The following DLEC1 variants were observed in gnomAD, a reference collection of about 807,000 sequenced individuals.
DLEC1 encodes deleted in lung and esophageal cancer protein 1.
A neutral mutation model predicts 198.1 loss-of-function variants in DLEC1; 146 were observed. That is an observed-to-expected ratio of 0.74 (90% CI 0.64 to 0.85). DLEC1 has a LOEUF of 0.85. DLEC1 is among the 40% of genes least tolerant of loss of function. DLEC1 has a pLI of 0.00. For missense variants in DLEC1, 2,233 were observed against 2,220.0 expected (o/e 1.01, Z -0.12); for synonymous variants, 897 against 866.8 (o/e 1.03, Z -0.61).
intron 11 of DLEC1, 133 bp downstream of exon 11, chr3:38,093,013 A>G: frequency 1.2e-6 from 1 of 841,418 alleles, no homozygotes; most frequent in Non-Finnish European, 1.9e-6. Context: ...AGAATGCTGC[A>G]GCCTCCAGGT....
chr3:38,102,118 C>T (rs1341373843), intron 19 of DLEC1, among the ~76,000 whole-genome samples: 1 of 152,138 alleles, frequency 6.6e-6, no homozygotes, highest in Non-Finnish European at 1.5e-5. Flanking sequence ...CCCTTCTCTA[C>T]CTCCATCCCA....
intron 11 of DLEC1, among the ~76,000 whole-genome samples, chr3:38,093,398 G>A (rs1429628661): frequency 6.6e-6 from 1 of 151,328 alleles, no homozygotes; most frequent in Non-Finnish European, 1.5e-5. Flanking sequence ...CTATATGCTA[G>A]GTTCTCAAAA....
chr3:38,123,520 A>C lies in DLEC1; in HGVS notation c.*1108A>C. 5.7e-6 allele frequency: 1 copy of C among 175,658 alleles called. No homozygotes were observed. The highest frequency in any genetic ancestry group is 1.2e-5 in the Non-Finnish European group (1 of 82,794). The allele number at this position is 175,658 out of a possible 1,614,324, so 10.9% of individuals were successfully genotyped here. A position where few individuals can be genotyped will look rare whatever the true frequency, so the allele number is the denominator to read the frequency against. On this transcript the variant is annotated 3_prime_UTR_variant, in exon 37 of 37. Coordinates refer to ENST00000308059, the MANE Select transcript of DLEC1 (RefSeq NM_007335.4). ...AAAATCACAATCCTAAAAGATCAAA[A>C]TCCTGAAAATATAATTCTGGAAAAA...
chr3:38,102,288 G>C (rs532499810), intron 19 of DLEC1, among the ~76,000 whole-genome samples: 59 of 152,292 alleles, frequency 3.9e-4, no homozygotes, highest in South Asian at 2.7e-3. Flanking sequence ...TGCAGAGATA[G>C]GCCCTGATTG....
At position 38,116,606 on chromosome 3, in the gene DLEC1, G is replaced by A. The variant is rs374117049; in HGVS notation, c.4010G>A (p.Trp1337Ter). The A allele has an allele frequency of 6.2e-7, 1 of 1,614,000 alleles. No individual in the cohort carries two copies. Among genetic ancestry groups the A allele is most frequent in the African/African-American group, 1.3e-5 (1 of 74,904 alleles). The change falls in exon 28 of 37, where the codon TGG (tryptophan) becomes TAG (stop). Residue 1337 changes from tryptophan to a stop codon, truncating the protein, a stop_gained. Coordinates refer to ENST00000308059, the MANE Select transcript of DLEC1 (RefSeq NM_007335.4). LOFTEE classifies it high-confidence loss of function. ...PDTPEGGCLL[W>*]SPGPSSSSEF... ...ACCCCTGAGGGTGGCTGCCTCCTCT[G>A]GTCCCCAGGCCCCTCCAGTTCATCG...
chr3:38,064,007 C>CTTTTTTTTTTTTTTTTTTTTTTT (rs71094947), intron 6 of DLEC1, 88 bp downstream of exon 6: 1 of 417,586 alleles, frequency 2.4e-6, no homozygotes, highest in African/African-American at 3.2e-5. Context: ...TTTTTTTTTT[C>CTTTTTTTTTTTTTTTTTTTTTTT]TTTTTTTTTT....
At chr3:38,116,695 T>C (rs1039542869) in intron 28 of DLEC1, 37 bp downstream of exon 28, 3 of 1,610,930 alleles carry the variant, frequency 1.9e-6, no homozygotes, top group Non-Finnish European at 2.5e-6. Context: ...GGCTGGCCAC[T>C]GAGGGCCACT....
chr3:38,043,097 A>G (rs1700733782), intron 1 of DLEC1, among the ~76,000 whole-genome samples: 1 of 152,172 alleles, frequency 6.6e-6, no homozygotes, highest in Admixed American at 6.5e-5. Context: ...GAAATATCTC[A>G]TGGTCTAATG....
rs891544471 is a variant in DLEC1 at position 38,106,031 on chromosome 3, G to C, written c.2865-1553G>C. On this transcript the variant is annotated intron_variant, in intron 19 of 36. Coordinates refer to ENST00000308059, the MANE Select transcript of DLEC1 (RefSeq NM_007335.4). The stretch of plus-strand genomic sequence containing the variant: ...TTAGATTAACACCAACTTAATTTCA[G>C]TAGTCTGAAATGTTACTGTAATATA... 2.0e-5 allele frequency among the ~76,000 whole-genome samples: 3 copies of C among 152,036 alleles called. No individual in the cohort carries two copies. In the South Asian group the frequency reaches 6.2e-4, roughly 32 times the overall value.
At chr3:38,041,210 GC>G (rs1464781156) in intron 1 of DLEC1, among the ~76,000 whole-genome samples, 1 of 152,010 alleles carries the variant, frequency 6.6e-6, no homozygotes, top group Non-Finnish European at 1.5e-5. Context: ...CACTGTGTTA[GC>G]CAGGATGGTC....
chr3:38,115,451 A>C (rs1700102377), intron 27 of DLEC1, among the ~76,000 whole-genome samples: 1 of 151,998 alleles, frequency 6.6e-6, no homozygotes, highest in Admixed American at 6.6e-5. Context: ...TGCTGGGGGA[A>C]CGTGTTGAAG....
In DLEC1 at chr3:38,117,195, T is replaced by G; in HGVS notation, c.4306-13T>G. The G allele has an allele frequency of 6.2e-7, 1 of 1,614,142 alleles. No homozygotes were observed. Among genetic ancestry groups the G allele is most frequent in the Non-Finnish European group, 8.5e-7 (1 of 1,179,992 alleles). ...GCCCAGGGATCAGCTGTGATCAGACTTGGGCTCAGTAGGTGGAAAGGGAGA... is the reference window on the plus strand; with the variant it reads ...GCCCAGGGATCAGCTGTGATCAGACGTGGGCTCAGTAGGTGGAAAGGGAGA... On this transcript the variant is annotated splice_polypyrimidine_tract_variant and intron_variant, in intron 30 of 36. Transcript: ENST00000308059.
chr3:38,084,515 AGTG>A (rs1559430613), intron 7 of DLEC1, among the ~76,000 whole-genome samples: 3 of 1,920 alleles, frequency 1.6e-3, no homozygotes, highest in East Asian at 0.031. Context: ...TAGTAGTAGT[AGTG>A]GTAGTAGTAG....
intron 4 of DLEC1, 38 bp downstream of exon 4, chr3:38,062,406 G>T (rs1447908729): frequency 6.2e-7 from 1 of 1,612,182 alleles, no homozygotes; most frequent in South Asian, 1.1e-5. Context: ...TGTTTGGGGG[G>T]ACAGAGAGGC....
chr3:38,123,175 C>T lies in DLEC1; in HGVS notation c.*763C>T. ...GCAAAGGCACCCACCAAATTACCTC[C>T]AGACCAGGCTGACCCAGAAGGACGT... On this transcript the variant is annotated 3_prime_UTR_variant, in exon 37 of 37. Transcript: ENST00000308059. The T allele has an allele frequency of 6.4e-7, 1 of 1,559,666 alleles. No individual in the cohort carries two copies. Among genetic ancestry groups the T allele is most frequent in the Admixed American group, 1.7e-5 (1 of 59,946 alleles).
intron 33 of DLEC1, among the ~76,000 whole-genome samples, chr3:38,119,707 T>C (rs1172237418): frequency 6.6e-6 from 1 of 152,060 alleles, no homozygotes; most frequent in Non-Finnish European, 1.5e-5. Flanking sequence ...CATGCCCAGC[T>C]ATTATTTGCA....
chr3:38,116,520 GT>G lies in DLEC1; in HGVS notation c.3928del (p.Tyr1310MetfsTer121), dbSNP rs1559464249. ...AAGACCGGCTGGTGGAGCTGCTGGT[GT>G]TTTATGGGCCACCTTTCCCGCTGCG... The part of the protein sequence containing the change: ...KEDRLVELLV[F>X]YGPPFPLRDQ... On this transcript the variant is annotated frameshift_variant, in exon 28 of 37. Coordinates refer to ENST00000308059, the MANE Select transcript of DLEC1 (RefSeq NM_007335.4). LOFTEE classifies it high-confidence loss of function. The G allele has an allele frequency of 6.2e-7, 1 of 1,614,142 alleles. No homozygotes were observed. The highest frequency in any genetic ancestry group is 1.1e-5 in the South Asian group (1 of 91,090).
At position 38,122,178 on chromosome 3, in the gene DLEC1, G is replaced by A. The variant is rs892251260; in HGVS notation, c.5128G>A (p.Val1710Ile). Residue 1710 changes from valine to isoleucine, a missense_variant, in exon 36 of 37, where the codon GTT becomes ATT. Coordinates refer to ENST00000308059, the MANE Select transcript of DLEC1 (RefSeq NM_007335.4). ...NAPPTSIALQ[V>I]FFTARSSELY... Reference sequence around the variant, plus strand: ...ACCCCCAACCTCCATCGCCTTGCAGGTTTTCTTCACTGCCAGGTGCAGCCC... The same window carrying A: ...ACCCCCAACCTCCATCGCCTTGCAGATTTTCTTCACTGCCAGGTGCAGCCC... 5.6e-6 allele frequency: 9 copies of A among 1,613,954 alleles called. No individual in the cohort carries two copies. The highest frequency in any genetic ancestry group is 2.7e-5 in the African/African-American group (2 of 74,904).
chr3:38,093,124 T>C (rs1698827582), intron 11 of DLEC1, among the ~76,000 whole-genome samples: 2 of 152,216 alleles, frequency 1.3e-5, no homozygotes, highest in South Asian at 4.1e-4. Flanking sequence ...AAGAGACAGC[T>C]GGAAACCTGG....
Sources: gnomAD v4.1 joint callset for allele counts (sites outside exome capture counted in the v4.1 genomes callset) on GRCh38, gnomAD v4.1.1 for gene constraint, MANE v1.5 for transcripts, NCBI Gene and HGNC (gene_info 2026-07-23, HGNC 2026-07-21) for gene names.